The following ABCB1 variants were observed in gnomAD, a reference collection of about 807,000 sequenced individuals.
ABCB1 encodes ATP-dependent translocase ABCB1.
Under a neutral mutation model 142.0 loss-of-function variants are expected in ABCB1, and 69 were observed. The ratio of observed to expected loss-of-function variants is 0.49; its 90% confidence interval spans 0.40 to 0.59. The LOEUF (loss-of-function observed/expected upper bound fraction) is 0.59. ABCB1 is among the 20% of genes least tolerant of loss of function. The pLI, the probability that ABCB1 is intolerant of heterozygous loss-of-function variation, is 0.00. For synonymous variants in ABCB1, 532 were observed against 539.2 expected (o/e 0.99, Z 0.18); for missense variants, 1,326 against 1,554.7 (o/e 0.85, Z 2.47).
chr7:87,626,099 T>TATAG (rs199877301), intron 1 of ABCB1, among the ~76,000 whole-genome samples: 4 of 95,498 alleles, frequency 4.2e-5, no homozygotes, highest in Non-Finnish European at 6.0e-5. Flanking sequence ...TATATATATA[T>TATAG]TGTCATATAT....
At chr7:87,541,604 C>A in intron 17 of ABCB1, 140 bp from the exon 18 acceptor site, 1 of 702,346 alleles carries the variant, frequency 1.4e-6, no homozygotes, top group Non-Finnish European at 2.6e-6. Context: ...TTTCCTATTG[C>A]CAGCCTTAAA....
intron 5 of ABCB1, among the ~76,000 whole-genome samples, chr7:87,568,266 T>TAATAATAATAATAATAATAATAAAAA (rs377151956): frequency 2.1e-5 from 3 of 145,644 alleles, no homozygotes; most frequent in African/African-American, 7.7e-5. Context: ...ATAATAATAA[T>TAATAATAATAATAATAATAATAAAAA]AAAAATTAGC....
chr7:87,619,819 A>T (rs1820162686), intron 1 of ABCB1, among the ~76,000 whole-genome samples: 1 of 151,872 alleles, frequency 6.6e-6, no homozygotes, highest in Non-Finnish European at 1.5e-5. Flanking sequence ...GGAATCATTA[A>T]TGCCATTGTC....
chr7:87,550,312 A>AG lies in ABCB1; in HGVS notation c.1225-17dup. The AG allele has an allele frequency of 6.2e-7, 1 of 1,614,166 alleles. No homozygotes were observed. On this transcript the variant is annotated splice_polypyrimidine_tract_variant and intron_variant, in intron 11 of 27. Coordinates refer to ENST00000622132, the MANE Select transcript of ABCB1 (RefSeq NM_001348946.2). Reference sequence around the variant, plus strand: ...CCTTCAAGATCTACCAGGACGAGTGAGAAAAAAACTTCAAGGCAATTCACA... The same window carrying AG: ...CCTTCAAGATCTACCAGGACGAGTGAGGAAAAAAACTTCAAGGCAATTCACA...
chr7:87,616,124 T>C (rs1820025205), intron 1 of ABCB1, among the ~76,000 whole-genome samples: 1 of 152,202 alleles, frequency 6.6e-6, no homozygotes, highest in Non-Finnish European at 1.5e-5. Context: ...AGCATCTACC[T>C]TCTAAAATTA....
At chr7:87,546,404 C>T (rs1249455691) in intron 14 of ABCB1, among the ~76,000 whole-genome samples, 1 of 151,826 alleles carries the variant, frequency 6.6e-6, no homozygotes, top group East Asian at 1.9e-4. Context: ...CTGGCTAACA[C>T]AGTGAAACCC....
chr7:87,560,843 G>C (rs761166033), intron 8 of ABCB1, among the ~76,000 whole-genome samples: 6 of 151,970 alleles, frequency 3.9e-5, no homozygotes, highest in Non-Finnish European at 5.9e-5. Context: ...AGTGCTTTTT[G>C]GTTATATTTT....
At chr7:87,700,609 G>C (rs943623164) in intron 1 of ABCB1, 2 of 1,520,394 alleles carry the variant, frequency 1.3e-6, no homozygotes, top group Non-Finnish European at 1.8e-6. Context: ...CATGTATTTG[G>C]AATAGCAGGA....
At chr7:87,646,283 C>G (rs1330287220) in intron 1 of ABCB1, among the ~76,000 whole-genome samples, 1 of 152,040 alleles carries the variant, frequency 6.6e-6, no homozygotes, top group Non-Finnish European at 1.5e-5. Context: ...ATAGCCATGG[C>G]TTTTTCTTCC....
intron 26 of ABCB1, among the ~76,000 whole-genome samples, chr7:87,506,571 A>G (rs1814759015): frequency 6.6e-6 from 1 of 152,172 alleles, no homozygotes; most frequent in Non-Finnish European, 1.5e-5. Flanking sequence ...TTCCATTTTG[A>G]TATCTAACTT....
At chr7:87,637,699 T>C (rs1299439118) in intron 1 of ABCB1, among the ~76,000 whole-genome samples, 1 of 152,104 alleles carries the variant, frequency 6.6e-6, no homozygotes, top group Non-Finnish European at 1.5e-5. Flanking sequence ...CATTGAAAAC[T>C]TTTCATTTTC....
In ABCB1 at chr7:87,504,402, A is replaced by T. The variant is rs1008462286; in HGVS notation, c.3684T>A (p.Ile1228=). 5 of 1,614,018 alleles carry T rather than the reference A, an allele frequency of 3.1e-6. No individual in the cohort carries two copies. Among genetic ancestry groups the T allele is most frequent in the Non-Finnish European group, 4.2e-6 (5 of 1,179,990 alleles). Residue 1228 remains isoleucine, a synonymous_variant, in exon 28 of 28, where the codon ATT becomes ATA. Coordinates refer to ENST00000622132, the MANE Select transcript of ABCB1 (RefSeq NM_001348946.2). ...LDKAREGRTC[I]VIAHRLSTIQ... is the part of the protein sequence containing the mutation. ...TGGTGGACAGGCGGTGAGCAATCAC[A>T]ATGCAGGTGCGGCCTTCTCTGGCTT...
At chr7:87,509,671 G>A (rs1433884827) in intron 25 of ABCB1, among the ~76,000 whole-genome samples, 190 bp from the exon 26 acceptor site, 2 of 152,196 alleles carry the variant, frequency 1.3e-5, no homozygotes, top group African/African-American at 4.8e-5. Context: ...GAACTGTCAT[G>A]TTTCCTGTGT....
chr7:87,600,293 G>A, intron 1 of ABCB1, 103 bp from the exon 2 acceptor site: 4 of 943,758 alleles, frequency 4.2e-6, no homozygotes, highest in Non-Finnish European at 6.6e-6. Context: ...GCAGTAAGAG[G>A]GAGCGCCCGC....
At chr7:87,638,155 T>TA (rs1388372348) in intron 1 of ABCB1, among the ~76,000 whole-genome samples, 1 of 152,108 alleles carries the variant, frequency 6.6e-6, no homozygotes, top group Non-Finnish European at 1.5e-5. Context: ...CACTCTGGAA[T>TA]AAAAAAACAA....
chr7:87,618,438 G>C (rs1820098941), intron 1 of ABCB1, among the ~76,000 whole-genome samples: 1 of 152,106 alleles, frequency 6.6e-6, no homozygotes, highest in African/African-American at 2.4e-5. Context: ...TGATAGTCTT[G>C]GAGACTACCA....
intron 1 of ABCB1, among the ~76,000 whole-genome samples, chr7:87,691,148 C>T (rs998768642): frequency 3.9e-5 from 6 of 152,012 alleles, no homozygotes; most frequent in African/African-American, 1.4e-4. Flanking sequence ...TCAGTCTTAT[C>T]AAGGAAAATT....
chr7:87,632,950 A>G (rs1483318940), intron 1 of ABCB1, among the ~76,000 whole-genome samples: 1 of 152,218 alleles, frequency 6.6e-6, no homozygotes, highest in East Asian at 1.9e-4. Flanking sequence ...AGGAGGGACT[A>G]ATAAGAGGAA....
intron 1 of ABCB1, among the ~76,000 whole-genome samples, chr7:87,670,610 C>T (rs1330274875): frequency 6.6e-6 from 1 of 152,154 alleles, no homozygotes; most frequent in Non-Finnish European, 1.5e-5. Context: ...TGTGGGTGTT[C>T]CTTTATCTGC....
Sources: allele counts gnomAD v4.1 joint callset (sites outside exome capture counted in the v4.1 genomes callset), GRCh38; gene constraint gnomAD v4.1.1; transcripts MANE v1.5; gene names NCBI Gene and HGNC (gene_info 2026-07-23, HGNC 2026-07-21).